RCL1: variants seen among roughly 807,000 people sequenced by gnomAD.
RCL1 encodes the protein RNA 3'-terminal phosphate cyclase-like protein.
Under a neutral mutation model 42.4 loss-of-function variants are expected in RCL1, and 24 were observed. The ratio of observed to expected loss-of-function variants is 0.57; its 90% CI spans 0.41 to 0.80. The LOEUF is 0.80. RCL1 is among the 30% of genes least tolerant of loss of function. The pLI, the probability that RCL1 is intolerant of heterozygous loss-of-function variation, is 0.00. For synonymous variants in RCL1, 228 were observed against 177.3 expected (o/e 1.29, Z -2.27); for missense variants, 578 against 467.9 (o/e 1.24, Z -2.17).
intron 1 of RCL1, among the ~76,000 whole-genome samples, chr9:4,799,029 C>A (rs1397384915): frequency 1.0e-5 from 1 of 99,584 alleles, no homozygotes; most frequent in Non-Finnish European, 1.9e-5. Context: ...TCCCTGTCTT[C>A]TTTCCCCCTT....
intron 1 of RCL1, among the ~76,000 whole-genome samples, chr9:4,802,431 A>G (rs1448327060): frequency 3.9e-5 from 6 of 152,182 alleles, no homozygotes; most frequent in Non-Finnish European, 8.8e-5. Flanking sequence ...CCATATGTCC[A>G]TTTGGGGATA....
chr9:4,804,255 G>C, intron 1 of RCL1: 1 of 152,662 alleles, frequency 6.6e-6, no homozygotes, highest in South Asian at 2.1e-4. Flanking sequence ...AATAGTCTTG[G>C]TAAAGGAGCT....
Position 4,860,285 on chromosome 9 carries a change from C to A in RCL1, c.*10C>A, listed in dbSNP as rs766520478. The A allele has an allele frequency of 6.2e-7, 1 of 1,611,656 alleles. No individual in the cohort carries two copies. Among genetic ancestry groups the A allele is most frequent in the Non-Finnish European group, 8.5e-7 (1 of 1,179,154 alleles). ...CAAGACCCTCAAGTGATAACCATCACAAGATAAGGCCCCAATGCCTACAGA... is the reference window on the plus strand; with the variant it reads ...CAAGACCCTCAAGTGATAACCATCAAAAGATAAGGCCCCAATGCCTACAGA... On this transcript the variant is annotated 3_prime_UTR_variant, in exon 9 of 9. Transcript: ENST00000381750.
intron 1 of RCL1, among the ~76,000 whole-genome samples, chr9:4,819,166 G>A (rs78596316): frequency 0.017 from 2,566 of 152,316 alleles, 67 homozygotes; most frequent in African/African-American, 0.058. Flanking sequence ...ACCCCAGACA[G>A]GGCAGGGTTG....
At chr9:4,855,008 G>A (rs761097824) in intron 8 of RCL1, among the ~76,000 whole-genome samples, 6 of 141,686 alleles carry the variant, frequency 4.2e-5, no homozygotes, top group East Asian at 2.0e-4. Flanking sequence ...AGCTGAGATC[G>A]CACCATTGCA....
intron 1 of RCL1, among the ~76,000 whole-genome samples, chr9:4,796,746 A>AT (rs1390467940): frequency 6.6e-6 from 1 of 152,114 alleles, no homozygotes; most frequent in African/African-American, 2.4e-5. Flanking sequence ...TAGTGTATAT[A>AT]TACCACATTT....
At chr9:4,819,009 A>G (rs1009961322) in intron 1 of RCL1, among the ~76,000 whole-genome samples, 2 of 152,236 alleles carry the variant, frequency 1.3e-5, no homozygotes, top group African/African-American at 2.4e-5. Flanking sequence ...GTCATAGGCC[A>G]TTTAATGAAA....
At chr9:4,809,536 C>T (rs1398057299) in intron 1 of RCL1, among the ~76,000 whole-genome samples, 2 of 152,172 alleles carry the variant, frequency 1.3e-5, no homozygotes, top group African/African-American at 4.8e-5. Context: ...TCTCGATCTC[C>T]TGACCTTGTG....
At chr9:4,829,972 G>C (rs1816896009) in intron 3 of RCL1, among the ~76,000 whole-genome samples, 1 of 152,200 alleles carries the variant, frequency 6.6e-6, no homozygotes, top group Admixed American at 6.5e-5. Context: ...TCTGCCCCAT[G>C]GTCCAAGGGA....
intron 6 of RCL1, among the ~76,000 whole-genome samples, chr9:4,843,813 C>G (rs976794577): frequency 3.3e-5 from 5 of 152,178 alleles, no homozygotes; most frequent in African/African-American, 1.2e-4. Flanking sequence ...CACCCTCTCA[C>G]TTCTGCTGGT....
At chr9:4,822,185 A>G (rs1162505486) in intron 1 of RCL1, among the ~76,000 whole-genome samples, 1 of 152,252 alleles carries the variant, frequency 6.6e-6, no homozygotes, top group African/African-American at 2.4e-5. Context: ...GTAACAGACT[A>G]GGTAGATGGG....
intron 2 of RCL1, among the ~76,000 whole-genome samples, chr9:4,825,026 C>T (rs1387829263): frequency 6.6e-6 from 1 of 152,022 alleles, no homozygotes; most frequent in Non-Finnish European, 1.5e-5. Flanking sequence ...ATTCTCCTGC[C>T]TTAGCCTCCC....
chr9:4,805,779 T>TA (rs1815927212), intron 1 of RCL1, among the ~76,000 whole-genome samples: 1 of 152,180 alleles, frequency 6.6e-6, no homozygotes, highest in Non-Finnish European at 1.5e-5. Flanking sequence ...TGCCTGCCAC[T>TA]ACCTATCACT....
chr9:4,855,140 C>T (rs1021465007), intron 8 of RCL1, among the ~76,000 whole-genome samples: 5 of 151,122 alleles, frequency 3.3e-5, no homozygotes, highest in African/African-American at 1.2e-4. Context: ...TAGAGGCTTT[C>T]GTAGAAAAGT....
intron 3 of RCL1, among the ~76,000 whole-genome samples, chr9:4,829,515 C>G (rs938383275): frequency 2.0e-5 from 3 of 152,104 alleles, no homozygotes; most frequent in African/African-American, 7.2e-5. Context: ...GCAGCCTAAC[C>G]ATATAAGGAT....
At chr9:4,828,059 G>A (rs528126428) in intron 3 of RCL1, among the ~76,000 whole-genome samples, 418 of 151,630 alleles carry the variant, frequency 2.8e-3, no homozygotes, top group African/African-American at 8.9e-3. Context: ...GGTGGCGGGC[G>A]CCTGTAGTGC....
At chr9:4,832,363 C>A (rs561101012) in intron 3 of RCL1, among the ~76,000 whole-genome samples, 1 of 152,318 alleles carries the variant, frequency 6.6e-6, no homozygotes, top group South Asian at 2.1e-4. Flanking sequence ...CTGTGTGGTG[C>A]TCATCATTGG....
At chr9:4,807,983 T>C (rs1173730972) in intron 1 of RCL1, among the ~76,000 whole-genome samples, 3 of 152,230 alleles carry the variant, frequency 2.0e-5, no homozygotes, top group African/African-American at 4.8e-5. Flanking sequence ...TAGTCTATCT[T>C]GGTGTATATT....
intron 2 of RCL1, among the ~76,000 whole-genome samples, chr9:4,825,516 C>G (rs550025648): frequency 2.6e-4 from 39 of 152,098 alleles, no homozygotes; most frequent in Non-Finnish European, 5.1e-4. Context: ...TGTTTGGATT[C>G]TAGTGTTTAA....
Sources: allele counts gnomAD v4.1 joint callset (sites outside exome capture counted in the v4.1 genomes callset), GRCh38; gene constraint gnomAD v4.1.1; transcripts MANE v1.5; gene names NCBI Gene and HGNC (gene_info 2026-07-23, HGNC 2026-07-21).